Variants in PRRT1 observed in about 807,000 individuals in gnomAD.
The protein encoded by PRRT1 is proline rich transmembrane protein 1.
PRRT1 carries 8 observed loss-of-function variants against 22.6 expected under a neutral mutation model. That is an observed-to-expected ratio of 0.35 (90% CI 0.21 to 0.64). The LOEUF is 0.64. Among genes scored for constraint, PRRT1 ranks in the 30% least tolerant of loss-of-function variants. The probability of loss-of-function intolerance (pLI) is 0.69; values close to 1 mark genes in which losing one functional copy is unlikely to be tolerated. For missense variants in PRRT1, 315 were observed against 444.5 expected, an observed-to-expected ratio of 0.71 and a Z score of 2.62; for synonymous variants, 176 against 203.6, an observed-to-expected ratio of 0.86 and a Z score of 1.15.
At chr6:32,151,257 G>A in intron 1 of PRRT1, 1 of 555,798 alleles carries the variant, frequency 1.8e-6, no homozygotes, top group Non-Finnish European at 3.2e-6. Flanking sequence ...TCCTGTGTGT[G>A]CGTATGCGTA....
chr6:32,150,712 G>T lies in PRRT1; in HGVS notation c.214C>A (p.Gln72Lys). Reference protein sequence around the residue: ...GGLASSAATAQRGPSSSATLP... With the variant: ...GGLASSAATAKRGPSSSATLP... Reference sequence around the variant, plus strand: ...GTGGCAGAGGAGGAGGGACCGCGCTGAGCGGTGGCCGCGGAAGAGGCCAGG... The same window carrying T: ...GTGGCAGAGGAGGAGGGACCGCGCTTAGCGGTGGCCGCGGAAGAGGCCAGG... Residue 72 changes from glutamine (Q) to lysine (K), a missense_variant, in exon 2 of 4, where the codon CAG (glutamine) becomes AAG (lysine). By Grantham distance (53) the Gln-to-Lys change is moderately conservative. Coordinates refer to ENST00000211413, the MANE Select transcript of PRRT1 (RefSeq NM_030651.4). This position sits in a 1 kb window ranked among gnomAD's most constrained non-coding sequence, Gnocchi z 7.2. The T allele has an allele frequency of 6.8e-7, 1 of 1,475,232 alleles. No individual in the cohort carries two copies. The highest frequency in any genetic ancestry group is 1.4e-5 in the South Asian group (1 of 72,210). 91.4% of individuals were successfully genotyped at this position (1,475,232 alleles called of 1,614,324 possible). A position where few individuals can be genotyped will look rare whatever the true frequency, so the allele number is the denominator to read the frequency against.
chr6:32,149,622 G>A lies in PRRT1; in HGVS notation c.659C>T (p.Pro220Leu). The change falls in exon 3 of 4, where the codon CCA becomes CTA. Residue 220 changes from proline (P) to leucine (L), a missense_variant. Pro to Leu is a moderately conservative substitution (Grantham distance 98, BLOSUM62 -3). Around this residue, in one of 4 missense-constraint regions of PRRT1, gnomAD observed 263 missense variants for 328.5 expected, o/e 0.80. Transcript: ENST00000211413. This position sits in a 1 kb window ranked among gnomAD's most constrained non-coding sequence, Gnocchi z 8.7. ...CACCGCGATGGGCATGTAGTCGTGT[G>A]GCGGGCGCCTCGGCTCCAGTAGGGC... ...GLALLEPRRP[P>L]HDYMPIAVLT... 1 of 1,613,026 alleles carries A rather than the reference G, an allele frequency of 6.2e-7. No homozygotes were observed. Among genetic ancestry groups the A allele is most frequent in the African/African-American group, 1.3e-5 (1 of 75,062 alleles).
chr6:32,152,456 G>A (rs1025598720), upstream of PRRT1, among the ~76,000 whole-genome samples: 7 of 152,154 alleles, frequency 4.6e-5, no homozygotes, highest in African/African-American at 1.7e-4. Flanking sequence ...AGGGTTTGGT[G>A]AACCTACCAA....
At position 32,150,859 on chromosome 6, in the gene PRRT1, G is replaced by C. The variant is rs1361977742; in HGVS notation, c.67C>G (p.Pro23Ala). 6.3e-7 allele frequency: 1 copy of C among 1,583,928 alleles called. No individual in the cohort carries two copies. ...PHTSPPPYNA[P>A]QPPAEPPAPP... Reference sequence around the variant, plus strand: ...GCTGGGGGTTCGGCTGGAGGCTGAGGGGCATTGTAGGGCGGCGGAGAAGTG... The same window carrying C: ...GCTGGGGGTTCGGCTGGAGGCTGAGCGGCATTGTAGGGCGGCGGAGAAGTG... Residue 23 changes from proline to alanine, a missense_variant, in exon 2 of 4, where the codon CCT (proline) becomes GCT (alanine). By Grantham distance (27) the Pro-to-Ala change is conservative. Transcript: ENST00000211413. The surrounding 1 kb of genome is among the most constrained non-coding windows in gnomAD (Gnocchi z 7.2).
Position 32,150,610 on chromosome 6 carries a change from G to T in PRRT1, c.316C>A (p.Arg106Ser). ...TGCAGGTAAGGGTCGGGTGGCATGC[G>T]GGGCAAGGTAGCGCAGCCGGGTGGG... ...APPPGCATLP[R>S]MPPDPYLQET... Residue 106 changes from arginine (R) to serine (S), a missense_variant, in exon 2 of 4, where the codon CGC becomes AGC. Coordinates refer to ENST00000211413, the MANE Select transcript of PRRT1 (RefSeq NM_030651.4). The surrounding 1 kb of genome is among the most constrained non-coding windows in gnomAD (Gnocchi z 7.2). The T allele has an allele frequency of 7.2e-7, 1 of 1,394,704 alleles. No homozygotes were observed. Among genetic ancestry groups the T allele is most frequent in the East Asian group, 2.9e-5 (1 of 34,940 alleles). The allele number at this position is 1,394,704 out of a possible 1,614,324, so 86.4% of individuals were successfully genotyped here.
chr6:32,152,000 G>GGGGGGGGGA, upstream of PRRT1: 4 of 350,436 alleles, frequency 1.1e-5, no homozygotes, highest in Admixed American at 3.0e-5. Context: ...GGGAGGGGGG[G>GGGGGGGGGA]AGCTTAAAGG....
At position 32,148,996 on chromosome 6, in the gene PRRT1, C is replaced by G. The variant is rs1024021698; in HGVS notation, c.*226G>C. 1.4e-6 allele frequency: 1 copy of G among 707,062 alleles called. No individual in the cohort carries two copies. Among genetic ancestry groups the G allele is most frequent in the Admixed American group, 2.0e-5 (1 of 49,900 alleles). 43.8% of individuals were successfully genotyped at this position (707,062 alleles called of 1,614,324 possible). ...AGGGTCCGGCGTTTGGCCGGGATCC[C>G]GGAAAGCGGCGTCCCTGGGGGTGTG... On this transcript the variant is annotated 3_prime_UTR_variant, in exon 4 of 4. Coordinates refer to ENST00000211413, the MANE Select transcript of PRRT1 (RefSeq NM_030651.4). This position sits in a 1 kb window ranked among gnomAD's most constrained non-coding sequence, Gnocchi z 5.7.
rs1783177775 is a variant in PRRT1 at position 32,150,144 on chromosome 6, G to A, written c.558+224C>T. 6.6e-6 allele frequency among the ~76,000 whole-genome samples: 1 copy of A among 151,692 alleles called. No individual in the cohort carries two copies. The highest frequency in any genetic ancestry group is 6.6e-5 in the Admixed American group (1 of 15,230). ...GACCTCCTCTGAACCTCTAGGCTCCGATCCCCCTCCCAGGCCCTGACTCTG... is the reference window on the plus strand; with the variant it reads ...GACCTCCTCTGAACCTCTAGGCTCCAATCCCCCTCCCAGGCCCTGACTCTG... On this transcript the variant is annotated intron_variant, in intron 2 of 3. Coordinates refer to ENST00000211413, the MANE Select transcript of PRRT1 (RefSeq NM_030651.4). The surrounding 1 kb of genome is among the most constrained non-coding windows in gnomAD (Gnocchi z 7.2).
chr6:32,150,701 G>A lies in PRRT1; in HGVS notation c.225C>T (p.Pro75=), dbSNP rs565177216. ...GCCTCGGCAGCGTGGCAGAGGAGGA[G>A]GGACCGCGCTGAGCGGTGGCCGCGG... ...ASSAATAQRG[P]SSSATLPRPP... is the part of the protein sequence containing the mutation. The change falls in exon 2 of 4, where the codon CCC becomes CCT. Residue 75 remains proline (P), a synonymous_variant. Transcript: ENST00000211413. The surrounding 1 kb of genome is among the most constrained non-coding windows in gnomAD (Gnocchi z 7.2). 6 of 1,449,796 alleles carry A rather than the reference G, an allele frequency of 4.1e-6. No homozygotes were observed. In the Admixed American group the frequency reaches 1.7e-4, roughly 40 times the overall value. The allele number at this position is 1,449,796 out of a possible 1,614,324, so 89.8% of individuals were successfully genotyped here. A position where few individuals can be genotyped will look rare whatever the true frequency, so the allele number is the denominator to read the frequency against.
rs748235445 is a variant in PRRT1, at chr6:32,150,926, G to A, written c.20-20C>T. 2 of 1,550,982 alleles carry A rather than the reference G, an allele frequency of 1.3e-6. No homozygotes were observed. The highest frequency in any genetic ancestry group is 2.3e-5 in the East Asian group (1 of 43,776). On this transcript the variant is annotated intron_variant, in intron 1 of 3. Coordinates refer to ENST00000211413, the MANE Select transcript of PRRT1 (RefSeq NM_030651.4). This position sits in a 1 kb window ranked among gnomAD's most constrained non-coding sequence, Gnocchi z 7.2. Reference sequence around the variant, plus strand: ...GGAGTCCTGGGGGAGGTGAGTGGAGGAGAGTATAAGAGGAAAGATGACACA... The same window carrying A: ...GGAGTCCTGGGGGAGGTGAGTGGAGAAGAGTATAAGAGGAAAGATGACACA...
upstream of PRRT1, chr6:32,151,993 A>AGGGGGGGGGG: frequency 3.0e-5 from 3 of 99,674 alleles, no homozygotes; most frequent in South Asian, 8.2e-5. Context: ...GAGAGCGGGG[A>AGGGGGGGGGG]GGGGGGGAGC....
Position 32,150,269 on chromosome 6 carries a change from C to A in PRRT1, c.558+99G>T, listed in dbSNP as rs1783185135. On this transcript the variant is annotated intron_variant, in intron 2 of 3. Coordinates refer to ENST00000211413, the MANE Select transcript of PRRT1 (RefSeq NM_030651.4). The surrounding 1 kb of genome is among the most constrained non-coding windows in gnomAD (Gnocchi z 7.2). ...TCCCGGGAACACTACCTGTTCCCTGCCCTTGTTCCTCTATCCTACCAGCCC... is the reference window on the plus strand; with the variant it reads ...TCCCGGGAACACTACCTGTTCCCTGACCTTGTTCCTCTATCCTACCAGCCC... 5 of 1,414,508 alleles carry A rather than the reference C, an allele frequency of 3.5e-6. No individual in the cohort carries two copies. In the South Asian group the frequency reaches 4.4e-5, roughly 13 times the overall value. 87.6% of individuals were successfully genotyped at this position (1,414,508 alleles called of 1,614,324 possible).
chr6:32,148,508 G>T lies in PRRT1; in HGVS notation c.*714C>A. 3.3e-6 allele frequency: 1 copy of T among 302,322 alleles called. No homozygotes were observed. The highest frequency in any genetic ancestry group is 3.0e-5 in the South Asian group (1 of 33,344). The allele number at this position is 302,322 out of a possible 1,614,324, so 18.7% of individuals were successfully genotyped here. ...TTCCCTTCTGCCCGGCTGCCCAGGG[G>T]CTGGGATGGGTGGAAGGGAGTATTT... On this transcript the variant is annotated 3_prime_UTR_variant, in exon 4 of 4. Coordinates refer to ENST00000211413, the MANE Select transcript of PRRT1 (RefSeq NM_030651.4). This position sits in a 1 kb window ranked among gnomAD's most constrained non-coding sequence, Gnocchi z 5.7.
At chr6:32,151,230 T>A (rs569754943) in intron 1 of PRRT1, 3 of 603,442 alleles carry the variant, frequency 5.0e-6, no homozygotes, top group Non-Finnish European at 8.9e-6. Context: ...GCCTTTGGGC[T>A]GGCCTATCCG....
rs1311986720 is a variant in PRRT1 at position 32,149,955 on chromosome 6, T to A, written c.559-233A>T. The stretch of plus-strand genomic sequence containing the variant: ...GCTTTCTACATTCTCTCCCGCAAGG[T>A]ATGGTCCCACTGGGGCTGTCCTGGC... On this transcript the variant is annotated intron_variant, in intron 2 of 3. Coordinates refer to ENST00000211413, the MANE Select transcript of PRRT1 (RefSeq NM_030651.4). This position sits in a 1 kb window ranked among gnomAD's most constrained non-coding sequence, Gnocchi z 8.7. 1.8e-6 allele frequency: 1 copy of A among 557,418 alleles called. No homozygotes were observed. Among genetic ancestry groups the A allele is most frequent in the Non-Finnish European group, 3.1e-6 (1 of 318,314 alleles). 34.5% of individuals were successfully genotyped at this position (557,418 alleles called of 1,614,324 possible).
chr6:32,149,615 G>C lies in PRRT1; in HGVS notation c.666C>G (p.Asp222Glu). The C allele has an allele frequency of 6.2e-7, 1 of 1,613,046 alleles. No homozygotes were observed. Among genetic ancestry groups the C allele is most frequent in the Non-Finnish European group, 8.5e-7 (1 of 1,180,010 alleles). The part of the protein sequence containing the change: ...ALLEPRRPPH[D>E]YMPIAVLTTI... ...TGGTCAGCACCGCGATGGGCATGTAGTCGTGTGGCGGGCGCCTCGGCTCCA... is the reference window on the plus strand; with the variant it reads ...TGGTCAGCACCGCGATGGGCATGTACTCGTGTGGCGGGCGCCTCGGCTCCA... Residue 222 changes from aspartate to glutamate, a missense_variant, in exon 3 of 4, where the codon GAC becomes GAG. Physicochemically the swap from Asp to Glu is conservative, Grantham distance 45 (BLOSUM62 2). Transcript: ENST00000211413. The surrounding 1 kb of genome is among the most constrained non-coding windows in gnomAD (Gnocchi z 8.7).
Position 32,149,633 on chromosome 6 carries a change from C to T in PRRT1, c.648G>A (p.Pro216=), listed in dbSNP as rs1262578748. 1.2e-6 allele frequency: 2 copies of T among 1,612,886 alleles called. No homozygotes were observed. Among genetic ancestry groups the T allele is most frequent in the Non-Finnish European group, 1.7e-6 (2 of 1,179,956 alleles). The change falls in exon 3 of 4, where the codon CCG becomes CCA. Residue 216 remains proline, a synonymous_variant. Coordinates refer to ENST00000211413, the MANE Select transcript of PRRT1 (RefSeq NM_030651.4). The surrounding 1 kb of genome is among the most constrained non-coding windows in gnomAD (Gnocchi z 8.7). The stretch of plus-strand genomic sequence containing the variant: ...GCATGTAGTCGTGTGGCGGGCGCCT[C>T]GGCTCCAGTAGGGCCAGCCCTGGGC... The part of the protein sequence containing the change: ...PQGPGLALLE[P]RRPPHDYMPI...
rs1377376163 is a variant in PRRT1 at position 32,148,914 on chromosome 6, C to A, written c.*308G>T. Reference sequence around the variant, plus strand: ...GGAGGCGGGGTTTTAGGGACCAAACCGAGGTTGCTCGGTTGGGGGCGCTAC... The same window carrying A: ...GGAGGCGGGGTTTTAGGGACCAAACAGAGGTTGCTCGGTTGGGGGCGCTAC... On this transcript the variant is annotated 3_prime_UTR_variant, in exon 4 of 4. Transcript: ENST00000211413. This position sits in a 1 kb window ranked among gnomAD's most constrained non-coding sequence, Gnocchi z 5.7. 7.6e-6 allele frequency: 5 copies of A among 656,206 alleles called. No homozygotes were observed. Among genetic ancestry groups the A allele is most frequent in the Non-Finnish European group, 1.4e-5 (5 of 355,398 alleles). The allele number at this position is 656,206 out of a possible 1,614,324, so 40.6% of individuals were successfully genotyped here. A position where few individuals can be genotyped will look rare whatever the true frequency, so the allele number is the denominator to read the frequency against.
At chr6:32,151,037 G>A in intron 1 of PRRT1, 131 bp from the exon 2 acceptor site, 1 of 806,190 alleles carries the variant, frequency 1.2e-6, no homozygotes, top group African/African-American at 1.7e-5. Flanking sequence ...AGAGAGACGG[G>A]TGAGAAACCA....
Sources: gnomAD v4.1 joint callset for allele counts (sites outside exome capture counted in the v4.1 genomes callset) on GRCh38, gnomAD v4.1.1 for gene constraint, gnomAD v4.1.1 regional missense constraint, Gnocchi (gnomAD v3.1) non-coding constraint, MANE v1.5 for transcripts, NCBI Gene and HGNC (gene_info 2026-07-23, HGNC 2026-07-21) for gene names.